The following NBPF10 variants were observed in gnomAD, a reference collection of about 807,000 sequenced individuals.
The protein encoded by NBPF10 is NBPF family member NBPF10.
In NBPF10, 63 loss-of-function variants were observed where a neutral mutation model predicts 77.9. That is an observed-to-expected ratio of 0.81 (90% CI 0.66 to 1.00). NBPF10 has a LOEUF of 1.00. NBPF10 is among the 50% of genes least tolerant of loss of function. NBPF10 has a pLI of 0.00. For synonymous variants in NBPF10, 146 were observed against 264.5 expected (o/e 0.55, Z 4.35); for missense variants, 522 against 679.8 (o/e 0.77, Z 2.58).
Position 146,125,025 on chromosome 1 carries a change from G to C in NBPF10, c.2079-165C>G, listed in dbSNP as rs1221841584. On this transcript the variant is annotated intron_variant, in intron 15 of 89. Transcript: ENST00000583866. ...TTTATGTTGGGATAGACCAGGGCCA[G>C]GTAGAAAAGAATGAAAGAGAAAGAC... Among the ~76,000 whole-genome samples, 4 of 64,482 alleles carry C rather than the reference G, an allele frequency of 6.2e-5. 1 individual carries two copies. Among genetic ancestry groups the C allele is most frequent in the East Asian group, 6.2e-4 (2 of 3,240 alleles). 42.3% of individuals were successfully genotyped at this position (64,482 alleles called of 152,430 possible).
At position 146,141,732 on chromosome 1, in the gene NBPF10, G is replaced by A. The variant is rs782054647; in HGVS notation, c.365C>T (p.Ser122Leu). ...GAGGGCCTGGAGATGCTCATACAATGAGCGGGAGGCATCTCTCCCTTCCCG... is the reference window on the plus strand; with the variant it reads ...GAGGGCCTGGAGATGCTCATACAATAAGCGGGAGGCATCTCTCCCTTCCCG... Residue 122 changes from serine (S) to leucine (L), a missense_variant, in exon 3 of 90, where the codon TCA becomes TTA. Around this residue, in one of 9 missense-constraint regions of NBPF10, gnomAD observed 71 missense variants for 114.9 expected, o/e 0.62. Coordinates refer to ENST00000583866, the Ensembl canonical transcript of NBPF10. 9 of 1,310,234 alleles carry A rather than the reference G, an allele frequency of 6.9e-6. 2 individuals carry two copies. The highest frequency in any genetic ancestry group is 9.5e-6 in the Non-Finnish European group (9 of 945,466). The allele number at this position is 1,310,234 out of a possible 1,614,324, so 81.2% of individuals were successfully genotyped here.
intron 88 of NBPF10, among the ~76,000 whole-genome samples, 181 bp from the exon 89 acceptor site, chr1:146,067,469 C>G (rs1553778119): frequency 1.5e-5 from 2 of 136,778 alleles, no homozygotes; most frequent in African/African-American, 2.8e-5. Context: ...GTTTTTCTCC[C>G]AGAAACTGTG....
At chr1:146,136,752 G>A (rs7543395) in intron 6 of NBPF10, among the ~76,000 whole-genome samples, 14 of 143,590 alleles carry the variant, frequency 9.7e-5, no homozygotes, top group African/African-American at 2.8e-4. Flanking sequence ...CTCTGAATGC[G>A]GGGCCACTTT....
chr1:146,067,313 G>A (rs781784796), intron 88 of NBPF10, 25 bp from the exon 89 acceptor site: 4 of 495,192 alleles, frequency 8.1e-6, no homozygotes, highest in South Asian at 7.2e-5. Flanking sequence ...GACATGGACA[G>A]ACACATTAAG....
At chr1:146,066,710 A>C in intron 89 of NBPF10, 149 bp from the exon 90 acceptor site, 1 of 589,192 alleles carries the variant, frequency 1.7e-6, no homozygotes, top group East Asian at 2.8e-5. Flanking sequence ...TATTGCCTTT[A>C]TGTTGGGATA....
chr1:146,142,750 A>G lies in NBPF10; in HGVS notation c.178T>C (p.Tyr60His), dbSNP rs267597994. ...TTTATGAGGTCTTTACACTCTTCAT[A>G]CTCTGAAAAAAGACAGACACGCCTG... Residue 60 changes from tyrosine to histidine, a missense_variant and splice_region_variant, in exon 2 of 90, where the codon TAT (tyrosine) becomes CAT (histidine). This residue lies in a region of NBPF10 where 71 missense variants were observed against 114.9 expected (regional missense o/e 0.62). Coordinates refer to ENST00000583866, the Ensembl canonical transcript of NBPF10. 5.3e-5 allele frequency: 72 copies of G among 1,355,462 alleles called. 18 individuals carry two copies. Among genetic ancestry groups the G allele is most frequent in the Non-Finnish European group, 7.3e-5 (72 of 988,494 alleles). 84.0% of individuals were successfully genotyped at this position (1,355,462 alleles called of 1,614,324 possible). A position where few individuals can be genotyped will look rare whatever the true frequency, so the allele number is the denominator to read the frequency against.
chr1:146,125,625 T>G (rs1658511653), intron 14 of NBPF10, 109 bp from the exon 15 acceptor site: 1 of 523,550 alleles, frequency 1.9e-6, no homozygotes, highest in African/African-American at 2.2e-5. Context: ...AGCATGAGAA[T>G]AGGACACTGT....
chr1:146,142,497 G>C (rs1437544121), intron 2 of NBPF10, among the ~76,000 whole-genome samples, 153 bp downstream of exon 2: 1 of 130,780 alleles, frequency 7.6e-6, no homozygotes, highest in South Asian at 2.7e-4. Flanking sequence ...TATTATCCTT[G>C]CTCTCTGATA....
intron 2 of NBPF10, 84 bp downstream of exon 2, chr1:146,142,566 C>G (rs1553797826): frequency 4.5e-6 from 3 of 672,960 alleles, no homozygotes; most frequent in Non-Finnish European, 7.8e-6. Context: ...GGCCCAGCTT[C>G]GTTCTTACTT....
At chr1:146,126,403 C>T (rs782120049) in exon 14 of NBPF10, 7 of 1,262,132 alleles carry the variant, frequency 5.5e-6, no homozygotes, top group South Asian at 1.2e-5. Context: ...CAGCTCCCTG[C>T]TGAGCGTGGA....
chr1:146,125,794 G>A (rs1553789637), intron 14 of NBPF10, among the ~76,000 whole-genome samples: 1 of 146,932 alleles, frequency 6.8e-6, no homozygotes, highest in African/African-American at 2.6e-5. Context: ...TTTTCCAATC[G>A]ATTTAAAGCA....
chr1:146,125,233 C>A (rs1176268714), intron 15 of NBPF10, among the ~76,000 whole-genome samples: 1 of 24,374 alleles, frequency 4.1e-5, no homozygotes. Context: ...AGATTCCATG[C>A]AGTTGCCATA....
chr1:146,109,345 CAGAGAGAG>C (rs782284106), intron 35 of NBPF10, among the ~76,000 whole-genome samples: 5,671 of 61,154 alleles, frequency 0.093, 36 homozygotes, highest in Non-Finnish European at 0.13. Flanking sequence ...CACACACACA[CAGAGAGAG>C]AGAGAGAGAA....
At chr1:146,123,523 CACAGAG>C (rs1658332183) in intron 17 of NBPF10, among the ~76,000 whole-genome samples, 1 of 106,322 alleles carries the variant, frequency 9.4e-6, no homozygotes, top group African/African-American at 4.6e-5. Context: ...CACACACACA[CACAGAG>C]AGAGAGAGAA....
exon 86 of NBPF10, chr1:146,069,546 C>G: frequency 4.3e-6 from 4 of 924,162 alleles, no homozygotes; most frequent in Non-Finnish European, 6.6e-6. Flanking sequence ...TACTCACCAT[C>G]CATGTCAACA....
intron 13 of NBPF10, 88 bp from the exon 14 acceptor site, chr1:146,126,496 G>T (rs1368958340): frequency 1.4e-6 from 1 of 714,150 alleles, no homozygotes; most frequent in Non-Finnish European, 2.6e-6. Context: ...ACATAAGGAA[G>T]AGTTTGAAAA....
At chr1:146,073,190 C>A (rs1655833716) in intron 81 of NBPF10, among the ~76,000 whole-genome samples, 2 of 50,452 alleles carry the variant, frequency 4.0e-5, no homozygotes, top group Non-Finnish European at 7.0e-5. Context: ...GAGTTAGTGC[C>A]CTCGGGACAC....
rs1553794063 is a variant in NBPF10 at position 146,134,279 on chromosome 1, A to C, written c.1307-14T>G. 3.1e-6 allele frequency: 5 copies of C among 1,603,074 alleles called. No individual in the cohort carries two copies. The highest frequency in any genetic ancestry group is 3.4e-5 in the Admixed American group (2 of 59,570). Reference sequence around the variant, plus strand: ...CGTTGTCATTTTCTGCAAATACAGAAGTGTTCGTTCAGGTATTTCCCACTT... The same window carrying C: ...CGTTGTCATTTTCTGCAAATACAGACGTGTTCGTTCAGGTATTTCCCACTT... On this transcript the variant is annotated splice_polypyrimidine_tract_variant and intron_variant, in intron 8 of 89. Coordinates refer to ENST00000583866, the Ensembl canonical transcript of NBPF10.
At chr1:146,126,291 T>C in exon 14 of NBPF10, 7 of 1,602,138 alleles carry the variant, frequency 4.4e-6, no homozygotes, top group Non-Finnish European at 6.0e-6. Flanking sequence ...AAAAGGCACT[T>C]CTGTAGGGCT....
Sources: gnomAD v4.1 joint callset for allele counts (sites outside exome capture counted in the v4.1 genomes callset) on GRCh38, gnomAD v4.1.1 for gene constraint, gnomAD v4.1.1 regional missense constraint, MANE v1.5 for transcripts, NCBI Gene and HGNC (gene_info 2026-07-23, HGNC 2026-07-21) for gene names.